Variants in PTDSS2 observed in about 807,000 individuals in gnomAD.
PTDSS2 encodes the protein phosphatidylserine synthase 2.
A neutral mutation model predicts 64.7 loss-of-function variants in PTDSS2; 41 were observed. The ratio of observed to expected loss-of-function variants is 0.63; its 90% CI spans 0.49 to 0.82. PTDSS2 has a LOEUF of 0.82. Among genes scored for constraint, PTDSS2 ranks in the 40% least tolerant of loss-of-function variants. The pLI is 0.00. For missense variants in PTDSS2, 485 were observed against 650.0 expected (o/e 0.75, Z 2.76); for synonymous variants, 297 against 277.8 (o/e 1.07, Z -0.69).
At chr11:490,295 G>T (rs1848614458) in intron 11 of PTDSS2, 125 bp from the exon 12 acceptor site, 2 of 1,394,100 alleles carry the variant, frequency 1.4e-6, no homozygotes, top group Admixed American at 3.7e-5. Flanking sequence ...CCGTCCCAGG[G>T]CCAGGGTACC....
chr11:479,211 A>G lies in PTDSS2; in HGVS notation c.435+59A>G, dbSNP rs1318541825. 2.1e-6 allele frequency: 3 copies of G among 1,413,342 alleles called. No homozygotes were observed. The highest frequency in any genetic ancestry group is 2.8e-5 in the African/African-American group (2 of 70,750). The allele number at this position is 1,413,342 out of a possible 1,614,324, so 87.6% of individuals were successfully genotyped here. The stretch of plus-strand genomic sequence containing the variant: ...CTTAGGTGACAGTGTGGCCCCAGGC[A>G]TGGTGACAAAGGAGGCCTTGCCCAC... On this transcript the variant is annotated intron_variant, in intron 4 of 11. Coordinates refer to ENST00000308020, the MANE Select transcript of PTDSS2 (RefSeq NM_030783.3). This position sits in a 1 kb window ranked among gnomAD's most constrained non-coding sequence, Gnocchi z 4.2.
chr11:457,712 G>A (rs975908027), intron 1 of PTDSS2, among the ~76,000 whole-genome samples: 8 of 152,200 alleles, frequency 5.3e-5, no homozygotes, highest in African/African-American at 1.9e-4. Context: ...GTCTTTGACT[G>A]GACCTGTGTT....
At position 486,920 on chromosome 11, in the gene PTDSS2, G is replaced by A. The variant is rs762907455; in HGVS notation, c.436-19G>A. ...CACCACTAACTGTAGCCCCGCTGAC[G>A]GGGGCACTGGCCTTGCAGACTGTCC... is the stretch of plus-strand genomic sequence containing the variant. On this transcript the variant is annotated intron_variant, in intron 4 of 11. Transcript: ENST00000308020. 10 of 1,595,194 alleles carry A rather than the reference G, an allele frequency of 6.3e-6. No individual in the cohort carries two copies. The highest frequency in any genetic ancestry group is 2.3e-5 in the South Asian group (2 of 88,604).
intron 2 of PTDSS2, among the ~76,000 whole-genome samples, chr11:467,171 A>G (rs1337105648): frequency 6.6e-6 from 1 of 152,134 alleles, no homozygotes; most frequent in Non-Finnish European, 1.5e-5. Flanking sequence ...AGCCTGGGTG[A>G]CAAAGGCAAA....
At chr11:453,220 A>G (rs1846424775) in intron 1 of PTDSS2, among the ~76,000 whole-genome samples, 2 of 152,182 alleles carry the variant, frequency 1.3e-5, no homozygotes, top group African/African-American at 4.8e-5. Context: ...AGCAAGGACA[A>G]TTATGGGGAA....
chr11:455,587 CAT>C (rs1345158246), intron 1 of PTDSS2, among the ~76,000 whole-genome samples: 2 of 152,230 alleles, frequency 1.3e-5, no homozygotes, highest in African/African-American at 4.8e-5. Flanking sequence ...TCACTTCAGA[CAT>C]GTGCACCCTT....
chr11:451,910 G>A (rs527685216), intron 1 of PTDSS2, among the ~76,000 whole-genome samples: 7 of 152,166 alleles, frequency 4.6e-5, no homozygotes, highest in Non-Finnish European at 7.3e-5. Context: ...GGGTGGCTGC[G>A]GGGCCCTCGG....
Position 479,268 on chromosome 11 carries a change from T to G in PTDSS2, c.435+116T>G. On this transcript the variant is annotated intron_variant, in intron 4 of 11. Coordinates refer to ENST00000308020, the MANE Select transcript of PTDSS2 (RefSeq NM_030783.3). The surrounding 1 kb of genome is among the most constrained non-coding windows in gnomAD (Gnocchi z 4.2). ...CTCGAGTGATGGGAGGAAGCAGGGC[T>G]AGACCCCCACAAAGTAGGCCGAGCT... is the stretch of plus-strand genomic sequence containing the variant. 1 of 916,316 alleles carries G rather than the reference T, an allele frequency of 1.1e-6. No individual in the cohort carries two copies. Among genetic ancestry groups the G allele is most frequent in the Non-Finnish European group, 1.8e-6 (1 of 547,880 alleles). The allele number at this position is 916,316 out of a possible 1,614,324, so 56.8% of individuals were successfully genotyped here.
In PTDSS2 at chr11:490,047, C is replaced by T. The variant is rs1409713241; in HGVS notation, c.1280C>T (p.Thr427Ile). The stretch of plus-strand genomic sequence containing the variant: ...GGCTCCGTCCTGGCGCTCACCTGGA[C>T]CGTCTGGCGCTTCTTCCTGCGGTGA... ...TLGSVLALTW[T>I]VWRFFLRDIT... The change falls in exon 11 of 12, where the codon ACC (threonine) becomes ATC (isoleucine). Residue 427 changes from threonine (T) to isoleucine (I), a missense_variant. Physicochemically the swap from Thr to Ile is moderately conservative, Grantham distance 89. Transcript: ENST00000308020. 1.2e-6 allele frequency: 2 copies of T among 1,608,872 alleles called. No individual in the cohort carries two copies. The highest frequency in any genetic ancestry group is 1.7e-6 in the Non-Finnish European group (2 of 1,179,708).
In PTDSS2 at chr11:462,684, C is replaced by T. The variant is rs12417570; in HGVS notation, c.284+2396C>T. Among the ~76,000 whole-genome samples the T allele has an allele frequency of 0.091, 13,922 of 152,252 alleles. 883 individuals carry two copies. The highest frequency in any genetic ancestry group is 0.17 in the Admixed American group (2,650 of 15,292). On this transcript the variant is annotated intron_variant, in intron 2 of 11. Transcript: ENST00000308020. The surrounding 1 kb of genome is among the most constrained non-coding windows in gnomAD (Gnocchi z 4.5). ...CATGGCCTGGACCCGCACTGCTGCA[C>T]ACCAGAAGCCCAGCTCCTGGGCAGC...
At chr11:452,765 GTGAGAA>G (rs1222614450) in intron 1 of PTDSS2, among the ~76,000 whole-genome samples, 1 of 152,202 alleles carries the variant, frequency 6.6e-6, no homozygotes, top group African/African-American at 2.4e-5. Context: ...TGCCTGCCTG[GTGAGAA>G]TTCATTACCT....
At chr11:468,050 GC>G (rs975654619) in intron 2 of PTDSS2, among the ~76,000 whole-genome samples, 1 of 152,086 alleles carries the variant, frequency 6.6e-6, no homozygotes, top group Admixed American at 6.6e-5. Flanking sequence ...GGGATCTCAA[GC>G]CCGGAAGGCA....
rs549372834 is a variant in PTDSS2 at position 476,370 on chromosome 11, C to T, written c.367+2393C>T. Among the ~76,000 whole-genome samples the T allele has an allele frequency of 4.6e-5, 7 of 152,226 alleles. No individual in the cohort carries two copies. The highest frequency in any genetic ancestry group is 3.3e-4 in the Admixed American group (5 of 15,280). On this transcript the variant is annotated intron_variant, in intron 3 of 11. Transcript: ENST00000308020. The surrounding 1 kb of genome is among the most constrained non-coding windows in gnomAD (Gnocchi z 4.9). ...GCCCGTCACACAGTGAAAGGCCTGG[C>T]GCGGTGATGGTGAGAAACTTCCCGG...
intron 4 of PTDSS2, among the ~76,000 whole-genome samples, chr11:486,075 C>T (rs918536292): frequency 1.3e-5 from 2 of 152,142 alleles, no homozygotes; most frequent in Non-Finnish European, 2.9e-5. Context: ...TCACCGTGTG[C>T]GCAGGCGAGT....
At chr11:480,708 G>GC (rs1488936081) in intron 4 of PTDSS2, 2 of 152,446 alleles carry the variant, frequency 1.3e-5, no homozygotes, top group Non-Finnish European at 2.9e-5. Context: ...ACAGGCACCT[G>GC]CCACCATGCG....
Position 460,441 on chromosome 11 carries a change from G to T in PTDSS2, c.284+153G>T, listed in dbSNP as rs1004180270. The T allele has an allele frequency of 1.7e-5, 11 of 636,432 alleles. No individual in the cohort carries two copies. The highest frequency in any genetic ancestry group is 3.1e-5 in the Non-Finnish European group (11 of 355,612). 39.4% of individuals were successfully genotyped at this position (636,432 alleles called of 1,614,324 possible). A position where few individuals can be genotyped will look rare whatever the true frequency, so the allele number is the denominator to read the frequency against. ...CCTCTCCCTTGAGTGTGTCTGATGTGCAGACTCCAGGGCTGCCCTTGGTGC... is the reference window on the plus strand; with the variant it reads ...CCTCTCCCTTGAGTGTGTCTGATGTTCAGACTCCAGGGCTGCCCTTGGTGC... On this transcript the variant is annotated intron_variant, in intron 2 of 11. Transcript: ENST00000308020. This position sits in a 1 kb window ranked among gnomAD's most constrained non-coding sequence, Gnocchi z 5.8.
chr11:490,309 C>T (rs1848615513), intron 11 of PTDSS2, 111 bp from the exon 12 acceptor site: 1 of 1,473,402 alleles, frequency 6.8e-7, no homozygotes, highest in South Asian at 1.2e-5. Flanking sequence ...GGGTACCCGG[C>T]ACCCACCCAG....
At chr11:473,871 G>A (rs1019918992) in intron 2 of PTDSS2, 24 bp from the exon 3 acceptor site, 4 of 1,574,774 alleles carry the variant, frequency 2.5e-6, no homozygotes, top group Non-Finnish European at 3.5e-6. Context: ...ACACACTGAG[G>A]GGCTGTTTGT....
At chr11:464,669 G>C (rs1847061695) in intron 2 of PTDSS2, among the ~76,000 whole-genome samples, 1 of 152,250 alleles carries the variant, frequency 6.6e-6, no homozygotes, top group African/African-American at 2.4e-5. Context: ...AGCTTCCGTT[G>C]CGTGGACACG....
Sources: allele counts gnomAD v4.1 joint callset (sites outside exome capture counted in the v4.1 genomes callset), GRCh38; gene constraint gnomAD v4.1.1; non-coding constraint Gnocchi (gnomAD v3.1); transcripts MANE v1.5; gene names NCBI Gene and HGNC (gene_info 2026-07-23, HGNC 2026-07-21).